The following COX7B2 variants were observed in gnomAD, a reference collection of about 807,000 sequenced individuals.
The protein encoded by COX7B2 is cytochrome c oxidase subunit 7B2.
For missense variants in COX7B2, 109 were observed against 95.9 expected, an observed-to-expected ratio of 1.14 and a Z score of -0.57; for synonymous variants, 37 against 32.1, an observed-to-expected ratio of 1.15 and a Z score of -0.51.
At chr4:46,885,084 C>T (rs963912331) in intron 1 of COX7B2, among the ~76,000 whole-genome samples, 2 of 151,870 alleles carry the variant, frequency 1.3e-5, no homozygotes, top group East Asian at 1.9e-4. Flanking sequence ...CCTTTATTTG[C>T]TAATTTAGGA....
intron 2 of COX7B2, among the ~76,000 whole-genome samples, chr4:46,803,227 C>T (rs1718757238): frequency 1.3e-5 from 2 of 152,108 alleles, no homozygotes; most frequent in African/African-American, 4.8e-5. Flanking sequence ...GAAATCAGAT[C>T]TCAGTAGTTT....
At chr4:46,738,576 T>C (rs948699438) in intron 2 of COX7B2, among the ~76,000 whole-genome samples, 15 of 152,030 alleles carry the variant, frequency 9.9e-5, no homozygotes, top group African/African-American at 3.6e-4. Context: ...GCTAAGAAAA[T>C]TCAAGGAATT....
chr4:46,899,126 C>T (rs1368396528), intron 1 of COX7B2, among the ~76,000 whole-genome samples: 3 of 152,090 alleles, frequency 2.0e-5, no homozygotes, highest in Non-Finnish European at 4.4e-5. Context: ...ACTCATTATC[C>T]TTCTCCTCTA....
intron 1 of COX7B2, among the ~76,000 whole-genome samples, chr4:46,879,031 A>G (rs1718531648): frequency 6.6e-6 from 1 of 152,194 alleles, no homozygotes; most frequent in South Asian, 2.1e-4. Flanking sequence ...CACTTTTCTG[A>G]CTGACTCTCA....
chr4:46,806,195 T>G (rs1369794194), intron 2 of COX7B2, among the ~76,000 whole-genome samples: 1 of 152,136 alleles, frequency 6.6e-6, no homozygotes, highest in African/African-American at 2.4e-5. Context: ...CTTCTTCCTT[T>G]TATTAATGTT....
chr4:46,793,704 C>T (rs1468150821), intron 2 of COX7B2, among the ~76,000 whole-genome samples: 1 of 152,178 alleles, frequency 6.6e-6, no homozygotes, highest in Non-Finnish European at 1.5e-5. Context: ...GAAGATCAAA[C>T]AGAGAATCTC....
At chr4:46,892,801 C>G (rs1343605040) in intron 1 of COX7B2, among the ~76,000 whole-genome samples, 1 of 152,146 alleles carries the variant, frequency 6.6e-6, no homozygotes, top group East Asian at 1.9e-4. Context: ...GTGTCCCCAC[C>G]CAAATCTCAT....
intron 2 of COX7B2, among the ~76,000 whole-genome samples, chr4:46,843,974 T>C (rs995025914): frequency 1.3e-5 from 2 of 152,024 alleles, no homozygotes; most frequent in Admixed American, 1.3e-4. Context: ...TTATGACACA[T>C]GGGTGAATTA....
At chr4:46,908,967 C>G (rs918768897) in intron 1 of COX7B2, among the ~76,000 whole-genome samples, 193 bp downstream of exon 1, 3 of 151,950 alleles carry the variant, frequency 2.0e-5, no homozygotes, top group Non-Finnish European at 4.4e-5. Flanking sequence ...TGGCGTGAAC[C>G]CGGGAGGCGG....
At chr4:46,879,009 T>A (rs1426497251) in intron 1 of COX7B2, among the ~76,000 whole-genome samples, 2 of 152,226 alleles carry the variant, frequency 1.3e-5, no homozygotes, top group Non-Finnish European at 2.9e-5. Flanking sequence ...AAACAACATA[T>A]AGGTCACTTG....
chr4:46,879,600 G>A, intron 1 of COX7B2, among the ~76,000 whole-genome samples: 1 of 151,222 alleles, frequency 6.6e-6, no homozygotes, highest in African/African-American at 2.4e-5. Context: ...ATCCATTAGA[G>A]TATGTTGCAT....
chr4:46,819,714 A>G (rs1461722868), intron 2 of COX7B2, among the ~76,000 whole-genome samples: 1 of 152,250 alleles, frequency 6.6e-6, no homozygotes, highest in African/African-American at 2.4e-5. Context: ...GTAAAACAGT[A>G]TATAATTCTA....
chr4:46,799,941 C>T (rs1265404081), intron 2 of COX7B2, among the ~76,000 whole-genome samples: 1 of 152,124 alleles, frequency 6.6e-6, no homozygotes, highest in African/African-American at 2.4e-5. Context: ...CTTCTTTATA[C>T]ATCTGGTGGA....
chr4:46,754,468 A>T (rs1715620848), intron 2 of COX7B2, among the ~76,000 whole-genome samples: 1 of 141,666 alleles, frequency 7.1e-6, no homozygotes, highest in Non-Finnish European at 1.5e-5. Context: ...CAAGGACAAA[A>T]AACCAAACAC....
intron 2 of COX7B2, among the ~76,000 whole-genome samples, chr4:46,805,963 T>C (rs574371836): frequency 6.6e-6 from 1 of 152,308 alleles, no homozygotes; most frequent in African/African-American, 2.4e-5. Flanking sequence ...TTTTTCTTCT[T>C]CCTTTATCTT....
At chr4:46,899,945 A>C (rs1719985111) in intron 1 of COX7B2, among the ~76,000 whole-genome samples, 1 of 152,212 alleles carries the variant, frequency 6.6e-6, no homozygotes. Flanking sequence ...CAGTGTTCCT[A>C]TAAAAAGCCC....
chr4:46,873,157 C>A (rs1304172402), intron 1 of COX7B2, among the ~76,000 whole-genome samples: 1 of 151,984 alleles, frequency 6.6e-6, no homozygotes, highest in Non-Finnish European at 1.5e-5. Flanking sequence ...TGAACTCATC[C>A]TTTTTTACAG....
intron 2 of COX7B2, among the ~76,000 whole-genome samples, chr4:46,774,431 T>A (rs1307704616): frequency 6.6e-6 from 1 of 152,138 alleles, no homozygotes; most frequent in Non-Finnish European, 1.5e-5. Context: ...TTTTCATGCA[T>A]GTCAGAAGAT....
At chr4:46,908,256 TAC>T (rs1411875516) in intron 1 of COX7B2, among the ~76,000 whole-genome samples, 1 of 152,072 alleles carries the variant, frequency 6.6e-6, no homozygotes, top group East Asian at 1.9e-4. Flanking sequence ...GTAAGGCTCG[TAC>T]ACAAAAAGAC....
Sources: gnomAD v4.1 joint callset for allele counts (sites outside exome capture counted in the v4.1 genomes callset) on GRCh38, gnomAD v4.1.1 for gene constraint, MANE v1.5 for transcripts, NCBI Gene and HGNC (gene_info 2026-07-23, HGNC 2026-07-21) for gene names.